Variants in TMEM132D observed in about 807,000 individuals in gnomAD.
TMEM132D encodes mature OL transmembrane protein.
TMEM132D carries 21 observed loss-of-function variants against 62.3 expected under a neutral mutation model. That is an observed-to-expected ratio of 0.34 (90% CI 0.24 to 0.49). The LOEUF is 0.49. Ranked by LOEUF, TMEM132D falls within the 20% of genes least tolerant of loss-of-function variation. The pLI is 0.99. For missense variants in TMEM132D, 1,346 were observed against 1,402.8 expected (o/e 0.96, Z 0.65); for synonymous variants, 621 against 575.6 (o/e 1.08, Z -1.13).
chr12:129,587,605 C>T (rs115005387), intron 2 of TMEM132D, among the ~76,000 whole-genome samples: 104 of 152,188 alleles, frequency 6.8e-4, no homozygotes, highest in East Asian at 2.5e-3. Flanking sequence ...AAATATGGAA[C>T]GGTTTGTACT....
intron 4 of TMEM132D, among the ~76,000 whole-genome samples, chr12:129,332,628 C>A (rs969838301): frequency 6.6e-6 from 1 of 152,070 alleles, no homozygotes; most frequent in African/African-American, 2.4e-5. Context: ...AGATTTTATG[C>A]CTTTTTTGTC....
At chr12:129,828,210 G>T (rs1169015591) in intron 1 of TMEM132D, among the ~76,000 whole-genome samples, 2 of 152,072 alleles carry the variant, frequency 1.3e-5, no homozygotes, top group African/African-American at 4.8e-5. Flanking sequence ...CTTTGCAATG[G>T]CTCAGGAATT....
chr12:129,834,237 C>A (rs935335730), intron 1 of TMEM132D, among the ~76,000 whole-genome samples: 1 of 152,178 alleles, frequency 6.6e-6, no homozygotes, highest in South Asian at 2.1e-4. Flanking sequence ...TCTCCCTCCT[C>A]CAAGTATGCA....
chr12:129,400,555 C>G (rs1020784713), intron 3 of TMEM132D, among the ~76,000 whole-genome samples: 4 of 152,134 alleles, frequency 2.6e-5, no homozygotes, highest in African/African-American at 9.7e-5. Flanking sequence ...ACATCCCTGC[C>G]AGACACGGTC....
chr12:129,840,005 A>T (rs1438096882), intron 1 of TMEM132D: 1 of 152,236 alleles, frequency 6.6e-6, no homozygotes, highest in Non-Finnish European at 1.5e-5. Flanking sequence ...ACCCCTGATC[A>T]GTAAAAACTA....
At chr12:129,893,915 G>A (rs1047434492) in intron 1 of TMEM132D, among the ~76,000 whole-genome samples, 8 of 152,136 alleles carry the variant, frequency 5.3e-5, no homozygotes, top group Non-Finnish European at 7.3e-5. Context: ...TGGATGGATC[G>A]AAGGGGAGCA....
intron 5 of TMEM132D, among the ~76,000 whole-genome samples, chr12:129,153,774 G>A (rs1435188172): frequency 3.3e-5 from 5 of 152,098 alleles, no homozygotes; most frequent in Admixed American, 6.5e-5. Context: ...AGCATCAGGC[G>A]GACGTGATTG....
intron 3 of TMEM132D, among the ~76,000 whole-genome samples, chr12:129,380,818 A>G (rs1173289406): frequency 2.0e-5 from 3 of 152,192 alleles, no homozygotes; most frequent in Non-Finnish European, 4.4e-5. Context: ...GGAATTATAC[A>G]GTATGTAACC....
At chr12:129,506,363 A>C (rs950376588) in intron 3 of TMEM132D, among the ~76,000 whole-genome samples, 7 of 152,214 alleles carry the variant, frequency 4.6e-5, no homozygotes, top group African/African-American at 1.4e-4. Flanking sequence ...TACAATCCTA[A>C]AATGTATATG....
intron 1 of TMEM132D, among the ~76,000 whole-genome samples, chr12:129,889,023 A>C (rs1383071982): frequency 1.3e-5 from 2 of 152,318 alleles, no homozygotes; most frequent in African/African-American, 4.8e-5. Flanking sequence ...AACTAAGAGA[A>C]ACGTTCTTTC....
rs1876384799 is a variant in TMEM132D at position 129,131,881 on chromosome 12, A to G, written c.1444-47179T>C. Among the ~76,000 whole-genome samples the G allele has an allele frequency of 2.6e-5, 4 of 152,206 alleles. 1 individual carries two copies. The South Asian group carries it at 8.3e-4, about 32-fold the overall frequency. On this transcript the variant is annotated intron_variant, in intron 5 of 8. Coordinates refer to ENST00000422113, the MANE Select transcript of TMEM132D (RefSeq NM_133448.3). ...TGGAGACATTAATTGAAAAAAATTA[A>G]AAGCAAATATTTCCTTAATATTTTC...
At chr12:129,616,277 A>C (rs1472459359) in intron 2 of TMEM132D, among the ~76,000 whole-genome samples, 3 of 152,162 alleles carry the variant, frequency 2.0e-5, no homozygotes, top group African/African-American at 7.2e-5. Flanking sequence ...CAATCTCATC[A>C]TTCAGTATTT....
intron 5 of TMEM132D, among the ~76,000 whole-genome samples, chr12:129,155,875 C>T (rs1565980855): frequency 6.6e-6 from 1 of 151,910 alleles, no homozygotes; most frequent in Non-Finnish European, 1.5e-5. Context: ...ATAATGAATC[C>T]ACTCCCCCAG....
intron 5 of TMEM132D, among the ~76,000 whole-genome samples, chr12:129,186,834 T>G (rs1293227168): frequency 1.3e-5 from 2 of 152,240 alleles, no homozygotes; most frequent in African/African-American, 4.8e-5. Context: ...GACAATTCCA[T>G]TTTTTCAGAA....
chr12:129,584,997 C>T (rs1367472641), intron 2 of TMEM132D, among the ~76,000 whole-genome samples: 4 of 152,086 alleles, frequency 2.6e-5, no homozygotes, highest in Admixed American at 2.6e-4. Flanking sequence ...GTGGCAGTTT[C>T]CTCGATTGCA....
intron 3 of TMEM132D, among the ~76,000 whole-genome samples, chr12:129,354,163 C>A (rs1869960377): frequency 6.6e-6 from 1 of 152,028 alleles, no homozygotes; most frequent in Non-Finnish European, 1.5e-5. Flanking sequence ...GCACAGAGAC[C>A]TGAAAACAAA....
At chr12:129,084,729 G>A (rs761525099) in intron 5 of TMEM132D, 27 bp from the exon 6 acceptor site, 3 of 1,609,898 alleles carry the variant, frequency 1.9e-6, no homozygotes, top group Non-Finnish European at 2.5e-6. Flanking sequence ...GAGAAAAGGG[G>A]AGGGAAAGGT....
Position 129,514,255 on chromosome 12 carries a change from C to T in TMEM132D, c.1115+16804G>A, listed in dbSNP as rs188504064. Among the ~76,000 whole-genome samples the T allele has an allele frequency of 5.0e-3, 761 of 152,340 alleles. 9 individuals are homozygous for T. The highest frequency in any genetic ancestry group is 6.5e-3 in the Non-Finnish European group (440 of 68,038). On this transcript the variant is annotated intron_variant, in intron 3 of 8. Coordinates refer to ENST00000422113, the MANE Select transcript of TMEM132D (RefSeq NM_133448.3). ...ACCCATAATTCTATCGCTGCCACCACCACCACCAGCATCTCCATTACATCT... is the reference window on the plus strand; with the variant it reads ...ACCCATAATTCTATCGCTGCCACCATCACCACCAGCATCTCCATTACATCT...
intron 4 of TMEM132D, among the ~76,000 whole-genome samples, chr12:129,213,352 C>A (rs1879108431): frequency 1.3e-5 from 2 of 150,946 alleles, no homozygotes; most frequent in South Asian, 4.2e-4. Flanking sequence ...AAAAGTTTAT[C>A]CAGGTGTGAT....
Sources: gnomAD v4.1 joint callset for allele counts (sites outside exome capture counted in the v4.1 genomes callset) on GRCh38, gnomAD v4.1.1 for gene constraint, MANE v1.5 for transcripts, NCBI Gene and HGNC (gene_info 2026-07-23, HGNC 2026-07-21) for gene names.